The following CSMD1 variants were observed in gnomAD, a reference collection of about 807,000 sequenced individuals.
CSMD1 encodes CUB and Sushi multiple domains 1.
Under a neutral mutation model 417.5 loss-of-function variants are expected in CSMD1, and 213 were observed. That is an observed-to-expected ratio of 0.51 (90% CI 0.46 to 0.57). The LOEUF (loss-of-function observed/expected upper bound fraction) is 0.57, where lower values mean the gene tolerates loss of function less well. Among genes scored for constraint, CSMD1 ranks in the 20% least tolerant of loss-of-function variants. The pLI is 0.00. For synonymous variants in CSMD1, 2,862 were observed against 1,736.8 expected (o/e 1.65, Z -16.11); for missense variants, 6,923 against 4,529.7 (o/e 1.53, Z -15.17).
chr8:3,411,860 A>C (rs1303995295), intron 12 of CSMD1, among the ~76,000 whole-genome samples: 1 of 121,302 alleles, frequency 8.2e-6, no homozygotes, highest in Non-Finnish European at 1.8e-5. Flanking sequence ...GTATATATGC[A>C]CGTATATATG....
At chr8:3,157,809 G>A (rs1342087090) in intron 39 of CSMD1, 88 bp downstream of exon 39, 3 of 1,051,352 alleles carry the variant, frequency 2.9e-6, no homozygotes, top group Middle Eastern at 2.0e-4. Flanking sequence ...AAGAAATTTA[G>A]AAGTGCATTC....
intron 2 of CSMD1, among the ~76,000 whole-genome samples, chr8:4,586,031 C>T (rs138826657): frequency 3.6e-4 from 55 of 152,142 alleles, no homozygotes; most frequent in African/African-American, 1.2e-3. Context: ...CATTATTATG[C>T]GCATGTAATG....
At chr8:2,978,161 A>G (rs2128937246) in intron 55 of CSMD1, among the ~76,000 whole-genome samples, 1 of 152,126 alleles carries the variant, frequency 6.6e-6, no homozygotes, top group East Asian at 1.9e-4. Flanking sequence ...GTCTCACAGC[A>G]CTCCCTTCTT....
chr8:2,998,238 C>A, intron 53 of CSMD1, 54 bp from the exon 54 acceptor site: 2 of 1,558,078 alleles, frequency 1.3e-6, no homozygotes, highest in South Asian at 2.3e-5. Flanking sequence ...TCATCACTTT[C>A]CCTTGGGATT....
chr8:4,976,176 G>T (rs982625066), intron 1 of CSMD1, among the ~76,000 whole-genome samples: 1 of 152,112 alleles, frequency 6.6e-6, no homozygotes, highest in African/African-American at 2.4e-5. Flanking sequence ...AGAGACAAGG[G>T]CTGAAAAACC....
chr8:3,727,948 G>A (rs755176853), intron 6 of CSMD1, among the ~76,000 whole-genome samples: 1 of 152,142 alleles, frequency 6.6e-6, no homozygotes, highest in African/African-American at 2.4e-5. Flanking sequence ...GGGGGTATGG[G>A]TAATGAGAGT....
At chr8:3,467,284 G>A (rs573111799) in intron 12 of CSMD1, among the ~76,000 whole-genome samples, 2 of 152,194 alleles carry the variant, frequency 1.3e-5, no homozygotes, top group Admixed American at 6.5e-5. Context: ...TCTCAATGCT[G>A]CTGAGATGAA....
chr8:4,457,493 T>C (rs1332840147), intron 2 of CSMD1, among the ~76,000 whole-genome samples: 2 of 152,092 alleles, frequency 1.3e-5, no homozygotes, highest in African/African-American at 4.8e-5. Flanking sequence ...TAGTTTTCTA[T>C]AAGAAATGAT....
chr8:3,707,920 A>G (rs1563294459), intron 7 of CSMD1, among the ~76,000 whole-genome samples: 1 of 152,108 alleles, frequency 6.6e-6, no homozygotes. Context: ...GGCACGTGCA[A>G]AAGTCATCAG....
At chr8:4,795,747 C>T (rs1278875244) in intron 1 of CSMD1, among the ~76,000 whole-genome samples, 1 of 152,120 alleles carries the variant, frequency 6.6e-6, no homozygotes, top group African/African-American at 2.4e-5. Context: ...GGGCTCTTGT[C>T]AGTTACCTCC....
At chr8:4,551,577 A>G (rs979319858) in intron 2 of CSMD1, among the ~76,000 whole-genome samples, 3 of 152,114 alleles carry the variant, frequency 2.0e-5, no homozygotes, top group East Asian at 1.9e-4. Flanking sequence ...AGGCACCACC[A>G]TGTCACCCCA....
intron 2 of CSMD1, among the ~76,000 whole-genome samples, chr8:4,534,969 G>C (rs762072058): frequency 2.6e-5 from 4 of 151,926 alleles, no homozygotes; most frequent in Non-Finnish European, 5.9e-5. Flanking sequence ...CCCCATGTTA[G>C]CCAGGATGGT....
At chr8:4,684,379 C>A (rs981544869) in intron 1 of CSMD1, among the ~76,000 whole-genome samples, 1 of 152,196 alleles carries the variant, frequency 6.6e-6, no homozygotes, top group African/African-American at 2.4e-5. Context: ...TATGAAGAAA[C>A]TTACTCATCA....
intron 3 of CSMD1, among the ~76,000 whole-genome samples, chr8:4,371,559 G>T (rs373974760): frequency 4.6e-5 from 7 of 152,024 alleles, no homozygotes; most frequent in African/African-American, 9.7e-5. Flanking sequence ...TTAAAGCAAT[G>T]TATTATTTTT....
At position 2,951,218 on chromosome 8, in the gene CSMD1, C is replaced by T; in HGVS notation, c.10097G>A (p.Gly3366Glu). Residue 3366 changes from glycine (G) to glutamate (E), a missense_variant, in exon 66 of 70, where the codon GGG becomes GAG. Transcript: ENST00000635120. ...AGTTAGAGTGGCGGGTTGTCTTTTC[C>T]CTAAATATTCATAATACCCCTTCCA... The part of the protein sequence containing the change: ...SLWKGYYEYL[G>E]KRQPATLTVD... The T allele has an allele frequency of 1.9e-6, 3 of 1,609,682 alleles. No homozygotes were observed. Among genetic ancestry groups the T allele is most frequent in the Non-Finnish European group, 2.5e-6 (3 of 1,177,808 alleles).
chr8:3,604,979 G>T (rs1298100310), intron 8 of CSMD1, among the ~76,000 whole-genome samples: 1 of 152,094 alleles, frequency 6.6e-6, no homozygotes, highest in Non-Finnish European at 1.5e-5. Context: ...TTAAAAAAAT[G>T]ATTCAATAAC....
intron 2 of CSMD1, among the ~76,000 whole-genome samples, chr8:4,536,159 T>C (rs147276511): frequency 3.2e-4 from 48 of 152,264 alleles, no homozygotes; most frequent in African/African-American, 1.0e-3. Context: ...CGCAACTCAG[T>C]AAGTAAGGAG....
intron 10 of CSMD1, among the ~76,000 whole-genome samples, chr8:3,559,417 A>C (rs1377576965): frequency 6.6e-6 from 1 of 152,228 alleles, no homozygotes; most frequent in African/African-American, 2.4e-5. Flanking sequence ...TTCATCTGGG[A>C]ATATACGCAA....
intron 5 of CSMD1, among the ~76,000 whole-genome samples, chr8:3,777,375 G>A (rs975413884): frequency 1.3e-5 from 2 of 152,060 alleles, no homozygotes; most frequent in Non-Finnish European, 2.9e-5. Context: ...GCTAACTGCT[G>A]CAGGATACTT....
Sources: gnomAD v4.1 joint callset for allele counts (sites outside exome capture counted in the v4.1 genomes callset) on GRCh38, gnomAD v4.1.1 for gene constraint, MANE v1.5 for transcripts, NCBI Gene and HGNC (gene_info 2026-07-23, HGNC 2026-07-21) for gene names.